COMMD1: variants seen among roughly 807,000 people sequenced by gnomAD.
The protein encoded by COMMD1 is copper metabolism domain containing 1, also known as COMM domain-containing protein 1.
A neutral mutation model predicts 17.2 loss-of-function variants in COMMD1; 10 were observed. That is an observed-to-expected ratio of 0.58 (90% CI 0.36 to 0.99). The LOEUF (loss-of-function observed/expected upper bound fraction) is 0.99, where lower values mean the gene tolerates loss of function less well. Ranked by LOEUF, COMMD1 falls within the 50% of genes least tolerant of loss-of-function variation. The probability of loss-of-function intolerance (pLI) is 0.01; values close to 1 mark genes in which losing one functional copy is unlikely to be tolerated. For missense variants in COMMD1, 270 were observed against 231.8 expected, an observed-to-expected ratio of 1.17 and a Z score of -1.07; for synonymous variants, 97 against 91.6, an observed-to-expected ratio of 1.06 and a Z score of -0.34.
At chr2:61,991,632 A>C (rs1156908645) in intron 1 of COMMD1, among the ~76,000 whole-genome samples, 1 of 152,202 alleles carries the variant, frequency 6.6e-6, no homozygotes, top group African/African-American at 2.4e-5. Context: ...ACTTGAACTG[A>C]GTCTTGAATG....
intron 2 of COMMD1, among the ~76,000 whole-genome samples, chr2:62,125,105 C>G (rs1196181818): frequency 6.6e-6 from 1 of 152,212 alleles, no homozygotes; most frequent in Admixed American, 6.5e-5. Flanking sequence ...CCAGGAAAAT[C>G]ACTAATTGTC....
chr2:61,968,425 A>C (rs760819335), intron 1 of COMMD1, among the ~76,000 whole-genome samples: 47 of 152,246 alleles, frequency 3.1e-4, no homozygotes, highest in Admixed American at 5.2e-4. Context: ...CATTTGAAAC[A>C]GTAAAACCAT....
intron 1 of COMMD1, among the ~76,000 whole-genome samples, chr2:61,927,601 T>C (rs905074547): frequency 6.6e-6 from 1 of 152,002 alleles, no homozygotes; most frequent in Admixed American, 6.6e-5. Flanking sequence ...GATTTCACCA[T>C]GTTAGCCAGG....
At chr2:61,956,348 T>C (rs1427824973) in intron 1 of COMMD1, among the ~76,000 whole-genome samples, 1 of 152,192 alleles carries the variant, frequency 6.6e-6, no homozygotes, top group Non-Finnish European at 1.5e-5. Context: ...ATATCACATA[T>C]AGTAGATAGA....
At chr2:61,971,157 C>T (rs996083270) in intron 1 of COMMD1, among the ~76,000 whole-genome samples, 3 of 152,206 alleles carry the variant, frequency 2.0e-5, no homozygotes, top group Admixed American at 1.3e-4. Flanking sequence ...ATTGAACACT[C>T]GAACAAAGGA....
chr2:61,969,431 T>C (rs1671590264), intron 1 of COMMD1, among the ~76,000 whole-genome samples: 1 of 152,214 alleles, frequency 6.6e-6, no homozygotes, highest in Non-Finnish European at 1.5e-5. Context: ...TCTCAAGGTC[T>C]TAATTTAATT....
chr2:62,003,605 T>TAC (rs57628894), intron 2 of COMMD1, among the ~76,000 whole-genome samples: 42,926 of 146,034 alleles, frequency 0.29, 6,507 homozygotes, highest in East Asian at 0.45. Flanking sequence ...CAGATATTTT[T>TAC]ACACACACAC....
chr2:62,104,999 C>A (rs1341560006), intron 2 of COMMD1, among the ~76,000 whole-genome samples: 2 of 151,956 alleles, frequency 1.3e-5, no homozygotes, highest in African/African-American at 4.8e-5. Context: ...ATGGCACCTG[C>A]CTGTAATCCC....
chr2:62,015,192 C>T (rs1038551454), intron 2 of COMMD1, among the ~76,000 whole-genome samples: 6 of 152,196 alleles, frequency 3.9e-5, no homozygotes, highest in Admixed American at 1.3e-4. Context: ...ATTTCCATCT[C>T]TTCAGCCCCT....
intron 2 of COMMD1, among the ~76,000 whole-genome samples, chr2:62,114,539 C>A (rs982105013): frequency 1.3e-5 from 2 of 152,190 alleles, no homozygotes; most frequent in Non-Finnish European, 2.9e-5. Context: ...GAGTACTCTC[C>A]TCTTCTTTCT....
chr2:62,044,319 G>A (rs1296434244), intron 2 of COMMD1, among the ~76,000 whole-genome samples: 1 of 152,128 alleles, frequency 6.6e-6, no homozygotes, highest in Non-Finnish European at 1.5e-5. Context: ...GTAACATTAG[G>A]TTAGAAGAGA....
intron 2 of COMMD1, among the ~76,000 whole-genome samples, chr2:62,122,072 G>A (rs1185883503): frequency 1.3e-5 from 2 of 152,266 alleles, no homozygotes; most frequent in African/African-American, 2.4e-5. Flanking sequence ...AAATATAGGC[G>A]TGAGCCACCG....
rs563186569 is a variant in COMMD1 at position 62,088,791 on chromosome 2, G to C, written c.463-47040G>C. Among the ~76,000 whole-genome samples the C allele has an allele frequency of 6.6e-5, 10 of 152,350 alleles. No homozygotes were observed. The South Asian group carries it at 2.1e-3, about 32-fold the overall frequency. The stretch of plus-strand genomic sequence containing the variant: ...CTAAATATGAGTGATCATGGCCCCT[G>C]ACACAGCCTTCAGGAGGTCCTGAGA... On this transcript the variant is annotated intron_variant, in intron 2 of 2. Coordinates refer to ENST00000311832, the MANE Select transcript of COMMD1 (RefSeq NM_152516.4).
chr2:62,036,000 G>A (rs182166213), intron 2 of COMMD1, among the ~76,000 whole-genome samples: 6 of 152,022 alleles, frequency 3.9e-5, no homozygotes, highest in African/African-American at 1.4e-4. Flanking sequence ...GCTGCATTGA[G>A]TCAAGATTAC....
intron 2 of COMMD1, among the ~76,000 whole-genome samples, chr2:62,102,069 G>C (rs928119510): frequency 6.6e-6 from 1 of 152,076 alleles, no homozygotes; most frequent in Non-Finnish European, 1.5e-5. Context: ...TCTCATTAGC[G>C]TACAAAAGAC....
chr2:62,106,691 G>C (rs957244807), intron 2 of COMMD1, among the ~76,000 whole-genome samples: 3 of 152,230 alleles, frequency 2.0e-5, no homozygotes, highest in African/African-American at 7.2e-5. Flanking sequence ...GCCAGGTGGT[G>C]ATGAGCACCA....
At position 62,000,574 on chromosome 2, in the gene COMMD1, G is replaced by A. The variant is rs1668901283; in HGVS notation, c.181-127G>A. ...CCCAAAGTGCTGAGATTACAGGTGT[G>A]AGCCATTGTGTCTGGGCTATTTCAG... On this transcript the variant is annotated intron_variant, in intron 1 of 2. Coordinates refer to ENST00000311832, the MANE Select transcript of COMMD1 (RefSeq NM_152516.4). The A allele has an allele frequency of 3.2e-6, 3 of 930,246 alleles. No homozygotes were observed. The South Asian group carries it at 4.4e-5, about 14-fold the overall frequency. The allele number at this position is 930,246 out of a possible 1,614,324, so 57.6% of individuals were successfully genotyped here. A position where few individuals can be genotyped will look rare whatever the true frequency, so the allele number is the denominator to read the frequency against.
At chr2:61,973,305 A>G (rs1671701619) in intron 1 of COMMD1, among the ~76,000 whole-genome samples, 1 of 152,194 alleles carries the variant, frequency 6.6e-6, no homozygotes, top group Non-Finnish European at 1.5e-5. Context: ...AAAATACATA[A>G]ATCTTAAATT....
At chr2:62,056,784 G>A (rs986532887) in intron 2 of COMMD1, among the ~76,000 whole-genome samples, 7 of 152,196 alleles carry the variant, frequency 4.6e-5, no homozygotes, top group African/African-American at 1.7e-4. Context: ...ACCCATTTGT[G>A]AATAAGCCAG....
Sources: allele counts gnomAD v4.1 joint callset (sites outside exome capture counted in the v4.1 genomes callset), GRCh38; gene constraint gnomAD v4.1.1; transcripts MANE v1.5; gene names NCBI Gene and HGNC (gene_info 2026-07-23, HGNC 2026-07-21).